The following SLC17A4 variants were observed in gnomAD, a reference collection of about 807,000 sequenced individuals.
SLC17A4 encodes solute carrier family 17 member 4, also known as probable small intestine urate exporter.
In SLC17A4, 33 loss-of-function variants were observed where a neutral mutation model predicts 52.5. The ratio of observed to expected loss-of-function variants is 0.63; its 90% confidence interval spans 0.48 to 0.84. The LOEUF (loss-of-function observed/expected upper bound fraction) is 0.84, where lower values mean the gene tolerates loss of function less well. Ranked by LOEUF, SLC17A4 falls within the 40% of genes least tolerant of loss-of-function variation. SLC17A4 has a pLI of 0.00. For synonymous variants in SLC17A4, 225 were observed against 216.2 expected, an observed-to-expected ratio of 1.04 and a Z score of -0.36; for missense variants, 585 against 597.1, an observed-to-expected ratio of 0.98 and a Z score of 0.21.
chr6:25,773,711 A>G (rs1261999120), intron 8 of SLC17A4, 37 bp downstream of exon 8: 2 of 1,594,732 alleles, frequency 1.3e-6, no homozygotes, highest in African/African-American at 2.7e-5. Flanking sequence ...TCTTCTGTTT[A>G]AATGCTTAAA....
In SLC17A4 at chr6:25,776,757, C is replaced by A. The variant is rs369309958; in HGVS notation, c.1120+30C>A. 10 of 1,613,750 alleles carry A rather than the reference C, an allele frequency of 6.2e-6. No homozygotes were observed. The South Asian group carries it at 6.6e-5, about 11-fold the overall frequency. Reference sequence around the variant, plus strand: ...GGGAGAGACTGGACACAGGGGTGAACGTGGGAAGCTCAGAGCAGCCTTCAG... The same window carrying A: ...GGGAGAGACTGGACACAGGGGTGAAAGTGGGAAGCTCAGAGCAGCCTTCAG... On this transcript the variant is annotated intron_variant, in intron 9 of 11. Coordinates refer to ENST00000377905, the MANE Select transcript of SLC17A4 (RefSeq NM_005495.3).
At chr6:25,772,903 C>T (rs541814241) in intron 6 of SLC17A4, among the ~76,000 whole-genome samples, 5 of 152,248 alleles carry the variant, frequency 3.3e-5, no homozygotes, top group African/African-American at 1.2e-4. Flanking sequence ...TCATTTATTC[C>T]CATGGTTCTT....
intron 3 of SLC17A4, among the ~76,000 whole-genome samples, chr6:25,769,528 G>A (rs1015783205): frequency 4.0e-5 from 6 of 151,246 alleles, no homozygotes; most frequent in Admixed American, 1.3e-4. Context: ...ACTGCACTCC[G>A]GTCTGGGTGA....
chr6:25,776,806 C>T lies in SLC17A4; in HGVS notation c.1121-6C>T, dbSNP rs768381714. On this transcript the variant is annotated splice_polypyrimidine_tract_variant and splice_region_variant and intron_variant, in intron 9 of 11. Coordinates refer to ENST00000377905, the MANE Select transcript of SLC17A4 (RefSeq NM_005495.3). ...AGTTTACTCTGTGTTTGTCCTCCTA[C>T]CCCAGGGGTTCTCTTCCCATCCGTG... 6.2e-7 allele frequency: 1 copy of T among 1,613,920 alleles called. No homozygotes were observed. Among genetic ancestry groups the T allele is most frequent in the South Asian group, 1.1e-5 (1 of 91,076 alleles).
intron 10 of SLC17A4, 143 bp downstream of exon 10, chr6:25,777,102 TA>T: frequency 1.1e-6 from 1 of 924,158 alleles, no homozygotes; most frequent in Non-Finnish European, 1.6e-6. Context: ...TACATCTAAA[TA>T]ATTCCTGGAA....
chr6:25,776,546 G>C, intron 8 of SLC17A4, 49 bp from the exon 9 acceptor site: 1 of 1,548,994 alleles, frequency 6.5e-7, no homozygotes, highest in Non-Finnish European at 8.7e-7. Context: ...TCTGTGTCGT[G>C]GTGGGGGTGG....
At position 25,776,877 on chromosome 6, in the gene SLC17A4, A is replaced by G. The variant is rs1762967556; in HGVS notation, c.1186A>G (p.Met396Val). The G allele has an allele frequency of 2.5e-6, 4 of 1,613,922 alleles. No individual in the cohort carries two copies. Among genetic ancestry groups the G allele is most frequent in the South Asian group, 1.1e-5 (1 of 91,082 alleles). The change falls in exon 10 of 12, where the codon ATG becomes GTG. Residue 396 changes from methionine (M) to valine (V), a missense_variant. Physicochemically the swap from Met to Val is conservative, Grantham distance 21. Coordinates refer to ENST00000377905, the MANE Select transcript of SLC17A4 (RefSeq NM_005495.3). ...PWVRSSHSMT[M>V]TFLVLSSAIS... ...GGTCAGATCCAGCCACAGCATGACCATGACCTTCTTGGTGCTGTCTTCTGC... is the reference window on the plus strand; with the variant it reads ...GGTCAGATCCAGCCACAGCATGACCGTGACCTTCTTGGTGCTGTCTTCTGC...
At position 25,779,390 on chromosome 6, in the gene SLC17A4, T is replaced by C; in HGVS notation, c.*202T>C. Reference sequence around the variant, plus strand: ...AACTGCAAGCTACTAAAAGCATAGGTGTGTTGAGATTTCTGTGTTCTCCAC... The same window carrying C: ...AACTGCAAGCTACTAAAAGCATAGGCGTGTTGAGATTTCTGTGTTCTCCAC... On this transcript the variant is annotated 3_prime_UTR_variant, in exon 12 of 12. Transcript: ENST00000377905. The C allele has an allele frequency of 3.5e-6, 2 of 579,512 alleles. No homozygotes were observed. Among genetic ancestry groups the C allele is most frequent in the Non-Finnish European group, 5.7e-6 (2 of 348,622 alleles). The allele number at this position is 579,512 out of a possible 1,614,324, so 35.9% of individuals were successfully genotyped here. A position where few individuals can be genotyped will look rare whatever the true frequency, so the allele number is the denominator to read the frequency against.
At chr6:25,761,217 C>T (rs961678174) in intron 1 of SLC17A4, among the ~76,000 whole-genome samples, 2 of 152,218 alleles carry the variant, frequency 1.3e-5, no homozygotes, top group African/African-American at 2.4e-5. Context: ...CAAACCATAA[C>T]TCAGGACAAA....
At chr6:25,770,884 A>T (rs771309343) in intron 5 of SLC17A4, 42 bp from the exon 6 acceptor site, 2 of 1,488,168 alleles carry the variant, frequency 1.3e-6, no homozygotes, top group Admixed American at 1.7e-5. Context: ...GAGCCCCAAG[A>T]CGAGTCCTCT....
In SLC17A4 at chr6:25,770,460, T is replaced by C. The variant is rs145505870; in HGVS notation, c.608T>C (p.Ile203Thr). 6.2e-7 allele frequency: 1 copy of C among 1,613,920 alleles called. No homozygotes were observed. Among genetic ancestry groups the C allele is most frequent in the Non-Finnish European group, 8.5e-7 (1 of 1,179,936 alleles). ...PPLERSQLTT[I>T]AGSGSMLGSF... ...CTGGAAAGGAGTCAACTCACCACCA[T>C]TGCTGGATCAGGTAACTGGTACCCT... The change falls in exon 5 of 12, where the codon ATT becomes ACT. Residue 203 changes from isoleucine (I) to threonine (T), a missense_variant. By Grantham distance (89) the Ile-to-Thr change is moderately conservative. Coordinates refer to ENST00000377905, the MANE Select transcript of SLC17A4 (RefSeq NM_005495.3).
chr6:25,763,561 G>C (rs1359384147), intron 2 of SLC17A4, among the ~76,000 whole-genome samples: 4 of 152,140 alleles, frequency 2.6e-5, no homozygotes, highest in Admixed American at 2.6e-4. Context: ...CTGGGTACCA[G>C]TACCCCCATC....
In SLC17A4 at chr6:25,779,411, T is replaced by C; in HGVS notation, c.*223T>C. ...TAGGTGTGTTGAGATTTCTGTGTTC[T>C]CCACTCTTCCACTGTTATCCTAGTA... On this transcript the variant is annotated 3_prime_UTR_variant, in exon 12 of 12. Transcript: ENST00000377905. 2.1e-6 allele frequency: 1 copy of C among 485,136 alleles called. No individual in the cohort carries two copies. The highest frequency in any genetic ancestry group is 3.6e-6 in the Non-Finnish European group (1 of 281,390). 30.1% of individuals were successfully genotyped at this position (485,136 alleles called of 1,614,324 possible). A position where few individuals can be genotyped will look rare whatever the true frequency, so the allele number is the denominator to read the frequency against.
In SLC17A4 at chr6:25,777,931, C is replaced by G. The variant is rs1763072603; in HGVS notation, c.1274C>G (p.Thr425Ser). The G allele has an allele frequency of 6.2e-7, 1 of 1,612,664 alleles. No homozygotes were observed. Among genetic ancestry groups the G allele is most frequent in the African/African-American group, 1.3e-5 (1 of 74,882 alleles). The change falls in exon 11 of 12, where the codon ACT becomes AGT. Residue 425 changes from threonine (T) to serine (S), a missense_variant. Thr to Ser is a moderately conservative substitution (Grantham distance 58, BLOSUM62 1). Coordinates refer to ENST00000377905, the MANE Select transcript of SLC17A4 (RefSeq NM_005495.3). ...VNFLDIAPRY[T>S]GFLKGLLQVF... ...GTACCATCTCTCTCTCTCAGGTACACTGGCTTTCTCAAAGGACTATTGCAA... is the reference window on the plus strand; with the variant it reads ...GTACCATCTCTCTCTCTCAGGTACAGTGGCTTTCTCAAAGGACTATTGCAA...
chr6:25,773,217 G>A (rs867310084), intron 6 of SLC17A4, 58 bp from the exon 7 acceptor site: 1 of 1,342,420 alleles, frequency 7.4e-7, no homozygotes, highest in Middle Eastern at 1.8e-4. Flanking sequence ...TCATCTTAGA[G>A]TCAAACTGAA....
At chr6:25,760,148 G>C (rs759978648) in intron 1 of SLC17A4, among the ~76,000 whole-genome samples, 1 of 152,192 alleles carries the variant, frequency 6.6e-6, no homozygotes, top group African/African-American at 2.4e-5. Context: ...TGATAGGTAA[G>C]AAATAATAGG....
intron 2 of SLC17A4, among the ~76,000 whole-genome samples, chr6:25,763,975 G>T (rs1761778105): frequency 6.6e-6 from 1 of 152,202 alleles, no homozygotes; most frequent in South Asian, 2.1e-4. Context: ...ACGTTGGAAG[G>T]CTAGGGAAGC....
chr6:25,756,393 G>T (rs1582635152), intron 1 of SLC17A4, among the ~76,000 whole-genome samples: 1 of 152,110 alleles, frequency 6.6e-6, no homozygotes, highest in African/African-American at 2.4e-5. Context: ...CTAGGTAAGT[G>T]GTTAGACTAG....
chr6:25,775,904 C>T (rs1028699769), intron 8 of SLC17A4, among the ~76,000 whole-genome samples: 2 of 152,144 alleles, frequency 1.3e-5, no homozygotes, highest in South Asian at 2.1e-4. Flanking sequence ...CATATCAGTA[C>T]ATGAGAACCT....
Sources: allele counts gnomAD v4.1 joint callset (sites outside exome capture counted in the v4.1 genomes callset), GRCh38; gene constraint gnomAD v4.1.1; transcripts MANE v1.5; gene names NCBI Gene and HGNC (gene_info 2026-07-23, HGNC 2026-07-21).